SLC24A4: variants seen among roughly 807,000 people sequenced by gnomAD.
The protein encoded by SLC24A4 is sodium/potassium/calcium exchanger 4.
A neutral mutation model predicts 79.0 loss-of-function variants in SLC24A4; 53 were observed. The observed-to-expected ratio is 0.67, with a 90% confidence interval of 0.54 to 0.84. The LOEUF (loss-of-function observed/expected upper bound fraction) is 0.84. Among genes scored for constraint, SLC24A4 ranks in the 40% least tolerant of loss-of-function variants. SLC24A4 has a pLI of 0.00. For missense variants in SLC24A4, 731 were observed against 822.0 expected, an observed-to-expected ratio of 0.89 and a Z score of 1.35; for synonymous variants, 323 against 323.8, an observed-to-expected ratio of 1.00 and a Z score of 0.03.
At chr14:92,446,554 A>G (rs771406038) in intron 8 of SLC24A4, among the ~76,000 whole-genome samples, 2 of 151,986 alleles carry the variant, frequency 1.3e-5, no homozygotes, top group Non-Finnish European at 2.9e-5. Context: ...CTGGCCCCCA[A>G]TCTGCTGTGT....
chr14:92,422,935 T>A (rs1891362732), intron 2 of SLC24A4, among the ~76,000 whole-genome samples: 1 of 152,144 alleles, frequency 6.6e-6, no homozygotes, highest in Non-Finnish European at 1.5e-5. Flanking sequence ...CACCTCAGTG[T>A]CCTGAGTTTA....
intron 2 of SLC24A4, among the ~76,000 whole-genome samples, chr14:92,326,569 G>A (rs1315193714): frequency 6.6e-6 from 1 of 152,180 alleles, no homozygotes; most frequent in Non-Finnish European, 1.5e-5. Context: ...ACCCAGAGGT[G>A]ACATCTTGTC....
intron 2 of SLC24A4, among the ~76,000 whole-genome samples, chr14:92,345,816 C>G (rs1321978712): frequency 6.6e-6 from 1 of 152,196 alleles, no homozygotes; most frequent in East Asian, 1.9e-4. Flanking sequence ...GTATGCCAGG[C>G]ACTGGGAGAC....
intron 13 of SLC24A4, chr14:92,483,919 C>T (rs1895213404): frequency 3.2e-6 from 4 of 1,269,076 alleles, no homozygotes; most frequent in Admixed American, 2.5e-5. Context: ...TCCATGCTGG[C>T]CCAGGGGCCA....
intron 2 of SLC24A4, among the ~76,000 whole-genome samples, chr14:92,347,028 A>G (rs1270141752): frequency 6.6e-6 from 1 of 152,022 alleles, no homozygotes; most frequent in Non-Finnish European, 1.5e-5. Flanking sequence ...AGTATGGCTC[A>G]TTTATGCCAC....
intron 2 of SLC24A4, among the ~76,000 whole-genome samples, chr14:92,416,461 A>G (rs1381422314): frequency 1.3e-5 from 2 of 152,146 alleles, no homozygotes; most frequent in East Asian, 3.8e-4. Context: ...CCAAAATAAC[A>G]ATGGCAGAAC....
chr14:92,421,307 A>C (rs1891266149), intron 2 of SLC24A4, among the ~76,000 whole-genome samples: 1 of 152,182 alleles, frequency 6.6e-6, no homozygotes, highest in African/African-American at 2.4e-5. Context: ...TTTTAAGTGT[A>C]ACTACCACTC....
chr14:92,435,140 T>C (rs1892097542), intron 3 of SLC24A4, among the ~76,000 whole-genome samples: 1 of 152,198 alleles, frequency 6.6e-6, no homozygotes, highest in Admixed American at 6.5e-5. Context: ...TCTAGGAGCA[T>C]CTGTAGTTTA....
chr14:92,410,119 C>A (rs553803731), intron 2 of SLC24A4, among the ~76,000 whole-genome samples: 28 of 152,228 alleles, frequency 1.8e-4, no homozygotes, highest in African/African-American at 6.5e-4. Flanking sequence ...GTCTGTACAA[C>A]AAATCCCTGT....
intron 2 of SLC24A4, among the ~76,000 whole-genome samples, chr14:92,359,566 TC>T (rs1887382753): frequency 6.6e-6 from 1 of 151,426 alleles, no homozygotes; most frequent in African/African-American, 2.4e-5. Context: ...ACCATTACAC[TC>T]CCACCCGGGG....
intron 2 of SLC24A4, among the ~76,000 whole-genome samples, chr14:92,328,832 C>A (rs568727730): frequency 6.6e-6 from 1 of 152,214 alleles, no homozygotes; most frequent in Non-Finnish European, 1.5e-5. Context: ...GTTCCACCTC[C>A]GGAGGGAGGG....
At chr14:92,372,937 T>G (rs1347878022) in intron 2 of SLC24A4, among the ~76,000 whole-genome samples, 1 of 118,440 alleles carries the variant, frequency 8.4e-6, no homozygotes, top group African/African-American at 3.0e-5. Context: ...CTTTCTTTCT[T>G]TTTCTCTCTC....
At chr14:92,351,795 C>G (rs568023639) in intron 2 of SLC24A4, among the ~76,000 whole-genome samples, 67 of 151,876 alleles carry the variant, frequency 4.4e-4, no homozygotes, top group Non-Finnish European at 8.5e-4. Flanking sequence ...ACCCAGGAAG[C>G]AGAGGTTGCA....
intron 10 of SLC24A4, 95 bp downstream of exon 10, chr14:92,449,311 CACACA>C (rs773685695): frequency 7.6e-7 from 1 of 1,323,710 alleles, no homozygotes; most frequent in Non-Finnish European, 1.0e-6. Context: ...CACACACACA[CACACA>C]CACACACCCT....
chr14:92,448,777 T>C (rs567367947), intron 9 of SLC24A4, among the ~76,000 whole-genome samples: 9 of 152,158 alleles, frequency 5.9e-5, no homozygotes, highest in Non-Finnish European at 1.3e-4. Flanking sequence ...CTTCCTTTAT[T>C]AGGACAGGCT....
intron 2 of SLC24A4, among the ~76,000 whole-genome samples, chr14:92,330,144 CAG>C (rs1885386599): frequency 6.3e-5 from 2 of 31,628 alleles, no homozygotes; most frequent in African/African-American, 2.0e-4. Context: ...GTCAGGAATG[CAG>C]AGTCTCAGGC....
intron 9 of SLC24A4, among the ~76,000 whole-genome samples, chr14:92,447,827 G>C (rs1892891178): frequency 6.6e-6 from 1 of 152,182 alleles, no homozygotes; most frequent in Non-Finnish European, 1.5e-5. Flanking sequence ...TCTGCCCCAG[G>C]CTTCATAAAA....
chr14:92,357,983 A>T (rs1887276729), intron 2 of SLC24A4, among the ~76,000 whole-genome samples: 1 of 152,240 alleles, frequency 6.6e-6, no homozygotes, highest in South Asian at 2.1e-4. Flanking sequence ...CTTGAAGCAC[A>T]AAACTTGGTC....
At chr14:92,397,444 C>G (rs1889840926) in intron 2 of SLC24A4, among the ~76,000 whole-genome samples, 1 of 152,200 alleles carries the variant, frequency 6.6e-6, no homozygotes, top group African/African-American at 2.4e-5. Flanking sequence ...CCAAGTGCAG[C>G]TTTCTTAACT....
Sources: gnomAD v4.1 joint callset for allele counts (sites outside exome capture counted in the v4.1 genomes callset) on GRCh38, gnomAD v4.1.1 for gene constraint, MANE v1.5 for transcripts, NCBI Gene and HGNC (gene_info 2026-07-23, HGNC 2026-07-21) for gene names.